MCTP1: variants seen among roughly 807,000 people sequenced by gnomAD.
MCTP1 encodes the protein multiple C2 and transmembrane domain containing 1.
Under a neutral mutation model 120.6 loss-of-function variants are expected in MCTP1, and 69 were observed. The observed-to-expected ratio is 0.57, with a 90% CI of 0.47 to 0.70. The LOEUF (loss-of-function observed/expected upper bound fraction) is 0.70. Ranked by LOEUF, MCTP1 falls within the 30% of genes least tolerant of loss-of-function variation. The pLI, the probability that MCTP1 is intolerant of heterozygous loss-of-function variation, is 0.00. For synonymous variants in MCTP1, 529 were observed against 493.1 expected, an observed-to-expected ratio of 1.07 and a Z score of -0.96; for missense variants, 1,203 against 1,248.8, an observed-to-expected ratio of 0.96 and a Z score of 0.55.
At chr5:95,048,524 C>A (rs1745120330) in intron 1 of MCTP1, among the ~76,000 whole-genome samples, 1 of 152,116 alleles carries the variant, frequency 6.6e-6, no homozygotes, top group Non-Finnish European at 1.5e-5. Flanking sequence ...ATGGATAAAT[C>A]TTGTCAGAAG....
At chr5:95,230,795 C>T (rs554401847) in intron 1 of MCTP1, among the ~76,000 whole-genome samples, 1 of 152,264 alleles carries the variant, frequency 6.6e-6, no homozygotes, top group South Asian at 2.1e-4. Context: ...GTGAATTTGA[C>T]GTGAATTGAC....
intron 1 of MCTP1, chr5:95,068,781 T>C (rs974669056): frequency 2.8e-4 from 353 of 1,274,046 alleles, no homozygotes; most frequent in Non-Finnish European, 3.3e-4. Context: ...ACTTTGAAAC[T>C]TACGTTTACT....
intron 2 of MCTP1, among the ~76,000 whole-genome samples, chr5:94,964,283 T>G (rs893111254): frequency 6.6e-6 from 1 of 152,186 alleles, no homozygotes; most frequent in Admixed American, 6.5e-5. Flanking sequence ...GCCTAACATA[T>G]GATCTAACTG....
chr5:94,802,878 G>A (rs1241634325), intron 17 of MCTP1, among the ~76,000 whole-genome samples: 1 of 152,174 alleles, frequency 6.6e-6, no homozygotes, highest in African/African-American at 2.4e-5. Flanking sequence ...AAGAGGACCT[G>A]CAGATTTTAG....
chr5:95,089,782 C>A (rs1239014798), intron 1 of MCTP1, among the ~76,000 whole-genome samples: 1 of 152,194 alleles, frequency 6.6e-6, no homozygotes, highest in African/African-American at 2.4e-5. Flanking sequence ...CAGCATGTTG[C>A]AGAACTAGCT....
At chr5:95,136,520 A>C (rs960697931) in intron 1 of MCTP1, among the ~76,000 whole-genome samples, 1 of 152,096 alleles carries the variant, frequency 6.6e-6, no homozygotes, top group African/African-American at 2.4e-5. Context: ...GCGAGGAAAA[A>C]AGTTGGGGAC....
rs74351352 is a variant in MCTP1, at chr5:95,113,371, C to T, written c.721-95887G>A. Among the ~76,000 whole-genome samples the T allele has an allele frequency of 4.5e-3, 691 of 152,124 alleles. 3 individuals are homozygous for T. Among genetic ancestry groups the T allele is most frequent in the African/African-American group, 0.015 (638 of 41,486 alleles). On this transcript the variant is annotated intron_variant, in intron 1 of 22. Transcript: ENST00000515393. ...TTTAACTTCATGTTACTAAAAGAGG[C>T]ACTGGAGAGGTAGGAAAAGCAGTCT... is the stretch of plus-strand genomic sequence containing the variant.
chr5:94,997,321 A>G (rs1057019039), intron 2 of MCTP1, among the ~76,000 whole-genome samples: 2 of 152,166 alleles, frequency 1.3e-5, no homozygotes, highest in African/African-American at 4.8e-5. Context: ...CTTCCAAAAG[A>G]AATGCAATTT....
intron 19 of MCTP1, among the ~76,000 whole-genome samples, chr5:94,726,290 T>TTGTATGTC (rs1341936307): frequency 6.6e-6 from 1 of 152,212 alleles, no homozygotes; most frequent in East Asian, 1.9e-4. Context: ...CCACTGGAAG[T>TTGTATGTC]TGTATGTCCT....
intron 2 of MCTP1, among the ~76,000 whole-genome samples, chr5:94,974,114 C>A (rs999328721): frequency 6.6e-6 from 1 of 152,030 alleles, no homozygotes; most frequent in Non-Finnish European, 1.5e-5. Context: ...AATCTGAAAA[C>A]TTGACTCAAT....
chr5:94,774,405 A>G (rs1561612808), intron 19 of MCTP1, among the ~76,000 whole-genome samples: 1 of 152,148 alleles, frequency 6.6e-6, no homozygotes, highest in Non-Finnish European at 1.5e-5. Context: ...ACTCAACCCA[A>G]CAGAGATTCT....
At chr5:95,116,380 A>G (rs753710993) in intron 1 of MCTP1, among the ~76,000 whole-genome samples, 2 of 152,162 alleles carry the variant, frequency 1.3e-5, no homozygotes, top group Non-Finnish European at 2.9e-5. Context: ...ATAAATGGAA[A>G]CAACAAAAGG....
intron 17 of MCTP1, among the ~76,000 whole-genome samples, chr5:94,801,827 C>A (rs1359362838): frequency 6.6e-6 from 1 of 152,172 alleles, no homozygotes. Context: ...ATCTTTCATG[C>A]ATTCTTCTTC....
At chr5:95,262,999 A>T (rs1758597047) in intron 1 of MCTP1, among the ~76,000 whole-genome samples, 1 of 152,180 alleles carries the variant, frequency 6.6e-6, no homozygotes, top group African/African-American at 2.4e-5. Context: ...TCCTGCTTAG[A>T]CCTTCCATTT....
intron 3 of MCTP1, among the ~76,000 whole-genome samples, chr5:94,948,732 A>G (rs531818310): frequency 3.3e-5 from 5 of 152,292 alleles, no homozygotes; most frequent in African/African-American, 1.2e-4. Flanking sequence ...TCTACTTCAG[A>G]GGTCCTGAAT....
At chr5:94,961,237 A>G (rs560378818) in intron 2 of MCTP1, among the ~76,000 whole-genome samples, 11 of 146,248 alleles carry the variant, frequency 7.5e-5, no homozygotes, top group Admixed American at 1.4e-4. Flanking sequence ...ACATATGGGC[A>G]CAGGGAAGGG....
chr5:94,972,059 C>T (rs371857118), intron 2 of MCTP1, among the ~76,000 whole-genome samples: 6 of 152,198 alleles, frequency 3.9e-5, no homozygotes, highest in East Asian at 3.9e-4. Flanking sequence ...GAGCCTTCTG[C>T]GTGGTCTCTC....
At chr5:95,133,925 A>G (rs1231263592) in intron 1 of MCTP1, among the ~76,000 whole-genome samples, 1 of 152,212 alleles carries the variant, frequency 6.6e-6, no homozygotes, top group Non-Finnish European at 1.5e-5. Context: ...CTACTTGAAT[A>G]AGAACTGTAA....
chr5:95,219,699 T>C (rs982828427), intron 1 of MCTP1, among the ~76,000 whole-genome samples: 1 of 152,186 alleles, frequency 6.6e-6, no homozygotes, highest in African/African-American at 2.4e-5. Flanking sequence ...AACATAATCT[T>C]CAGTGTCCTG....
Sources: gnomAD v4.1 joint callset for allele counts (sites outside exome capture counted in the v4.1 genomes callset) on GRCh38, gnomAD v4.1.1 for gene constraint, MANE v1.5 for transcripts, NCBI Gene and HGNC (gene_info 2026-07-23, HGNC 2026-07-21) for gene names.